The following ZNF385B variants were observed in gnomAD, a reference collection of about 807,000 sequenced individuals.
The protein encoded by ZNF385B is zinc finger protein 533.
ZNF385B carries 23 observed loss-of-function variants against 39.2 expected under a neutral mutation model. The observed-to-expected ratio is 0.59, with a 90% confidence interval of 0.42 to 0.83. The LOEUF (loss-of-function observed/expected upper bound fraction) is 0.83, where lower values mean the gene tolerates loss of function less well. Among genes scored for constraint, ZNF385B ranks in the 40% least tolerant of loss-of-function variants. The probability of loss-of-function intolerance (pLI) is 0.00; values close to 1 mark genes in which losing one functional copy is unlikely to be tolerated. For missense variants in ZNF385B, 552 were observed against 598.9 expected, an observed-to-expected ratio of 0.92 and a Z score of 0.82; for synonymous variants, 205 against 222.6, an observed-to-expected ratio of 0.92 and a Z score of 0.70.
chr2:179,720,406 AGGGGAG>A (rs1700607963), intron 3 of ZNF385B, among the ~76,000 whole-genome samples: 1 of 111,290 alleles, frequency 9.0e-6, no homozygotes, highest in East Asian at 3.3e-4. Context: ...GGGAGAGGGG[AGGGGAG>A]GAGGGGAGGG....
chr2:179,807,929 A>AGAAAGAAAGAAAGAAAGAAG lies in ZNF385B; in HGVS notation c.-154-37258_-154-37257insCTTCTTTCTTTCTTTCTTTC, dbSNP rs749760813. Among the ~76,000 whole-genome samples the AGAAAGAAAGAAAGAAAGAAG allele has an allele frequency of 8.6e-3, 996 of 116,336 alleles. 9 individuals are homozygous for AGAAAGAAAGAAAGAAAGAAG. The highest frequency in any genetic ancestry group is 0.019 in the East Asian group (58 of 3,078). The allele number at this position is 116,336 out of a possible 152,430, so 76.3% of individuals were successfully genotyped here. Reference sequence around the variant, plus strand: ...AAGAAAGAAAGAAAGAAAGAAAGAAAGAAGGAAGGAAGGAAGGAAGGAAAG... The same window carrying AGAAAGAAAGAAAGAAAGAAG: ...AAGAAAGAAAGAAAGAAAGAAAGAAAGAAAGAAAGAAAGAAAGAAGGAAGGAAGGAAGGAAGGAAGGAAAG... On this transcript the variant is annotated intron_variant, in intron 1 of 9. Coordinates refer to ENST00000410066, the MANE Select transcript of ZNF385B (RefSeq NM_152520.6).
intron 3 of ZNF385B, among the ~76,000 whole-genome samples, chr2:179,611,725 G>A (rs1236997612): frequency 6.6e-6 from 1 of 152,122 alleles, no homozygotes; most frequent in Non-Finnish European, 1.5e-5. Flanking sequence ...GTCTGTTCAG[G>A]TTTTGAATTT....
chr2:179,682,158 C>G (rs1222297984), intron 3 of ZNF385B, among the ~76,000 whole-genome samples: 1 of 152,184 alleles, frequency 6.6e-6, no homozygotes, highest in Non-Finnish European at 1.5e-5. Context: ...CTTGCTGACA[C>G]CTTTGTCCTG....
intron 1 of ZNF385B, among the ~76,000 whole-genome samples, chr2:179,774,742 G>A (rs186939147): frequency 3.9e-5 from 6 of 152,256 alleles, no homozygotes; most frequent in Non-Finnish European, 4.4e-5. Flanking sequence ...TGGTAATAAC[G>A]GTGTGCTCCC....
intron 3 of ZNF385B, among the ~76,000 whole-genome samples, chr2:179,600,670 C>T (rs1437337026): frequency 6.6e-6 from 1 of 152,170 alleles, no homozygotes; most frequent in African/African-American, 2.4e-5. Flanking sequence ...CCTACAGGGG[C>T]ATTGCCATTT....
intron 4 of ZNF385B, among the ~76,000 whole-genome samples, chr2:179,532,068 C>T (rs1007875988): frequency 6.6e-6 from 1 of 152,170 alleles, no homozygotes; most frequent in Non-Finnish European, 1.5e-5. Context: ...ATCGCTTTAT[C>T]GAATAAGGCT....
intron 4 of ZNF385B, among the ~76,000 whole-genome samples, chr2:179,541,583 C>T (rs985467052): frequency 1.9e-4 from 29 of 151,956 alleles, no homozygotes; most frequent in African/African-American, 2.9e-4. Context: ...TAATATTAAC[C>T]TTGGTTAAAA....
intron 6 of ZNF385B, among the ~76,000 whole-genome samples, chr2:179,455,580 C>G (rs1323068675): frequency 2.0e-5 from 3 of 152,064 alleles, no homozygotes; most frequent in African/African-American, 7.2e-5. Context: ...ATCAAATAAA[C>G]CTCTTTCGTT....
At chr2:179,652,942 G>A (rs750013487) in intron 3 of ZNF385B, among the ~76,000 whole-genome samples, 11 of 151,856 alleles carry the variant, frequency 7.2e-5, no homozygotes, top group Middle Eastern at 6.8e-3. Context: ...AAATTGAGAC[G>A]TAAACTGCTT....
Position 179,779,152 on chromosome 2 carries a change from AAC to A in ZNF385B, c.-154-8482_-154-8481del, listed in dbSNP as rs573980622. Among the ~76,000 whole-genome samples the A allele has an allele frequency of 3.4e-3, 521 of 152,342 alleles. 15 individuals are homozygous for A. Among genetic ancestry groups the A allele is most frequent in the Non-Finnish European group, 4.0e-3 (272 of 68,022 alleles). On this transcript the variant is annotated intron_variant, in intron 1 of 9. Transcript: ENST00000410066. The stretch of plus-strand genomic sequence containing the variant: ...TGCAGCTATAACCAGTATTCTAAAA[AAC>A]ACAGTGCTGTAACAGGGGTTGCCTT...
chr2:179,696,326 C>T (rs376814388), intron 3 of ZNF385B, among the ~76,000 whole-genome samples: 850 of 40,300 alleles, frequency 0.021, 1 homozygote, highest in Middle Eastern at 0.083. Flanking sequence ...CAAACTGGGA[C>T]TTTTTTTTTT....
chr2:179,571,155 G>C (rs1484530206), intron 3 of ZNF385B, among the ~76,000 whole-genome samples: 1 of 152,192 alleles, frequency 6.6e-6, no homozygotes, highest in Non-Finnish European at 1.5e-5. Context: ...AGTGTACACT[G>C]AAAGAATTCC....
At chr2:179,689,018 T>A (rs1386222233) in intron 3 of ZNF385B, among the ~76,000 whole-genome samples, 3 of 152,228 alleles carry the variant, frequency 2.0e-5, no homozygotes, top group Non-Finnish European at 4.4e-5. Context: ...TGAGCAGAAG[T>A]GTATGACATT....
intron 3 of ZNF385B, among the ~76,000 whole-genome samples, chr2:179,593,552 T>C (rs1418823857): frequency 6.6e-6 from 1 of 152,180 alleles, no homozygotes; most frequent in Admixed American, 6.5e-5. Flanking sequence ...GAACAATTAC[T>C]TAAATGCTTT....
At chr2:179,635,860 G>A (rs1028469647) in intron 3 of ZNF385B, among the ~76,000 whole-genome samples, 1 of 151,738 alleles carries the variant, frequency 6.6e-6, no homozygotes, top group Non-Finnish European at 1.5e-5. Flanking sequence ...TTGATAGTTG[G>A]AACACATAAG....
intron 6 of ZNF385B, among the ~76,000 whole-genome samples, chr2:179,472,950 A>G (rs1012106192): frequency 1.3e-5 from 2 of 152,170 alleles, no homozygotes; most frequent in African/African-American, 4.8e-5. Context: ...AAAACAAAGA[A>G]AAAGAGCTAA....
intron 1 of ZNF385B, among the ~76,000 whole-genome samples, chr2:179,827,750 T>C (rs1303375958): frequency 1.3e-5 from 2 of 152,156 alleles, no homozygotes; most frequent in African/African-American, 2.4e-5. Flanking sequence ...ATAACATACA[T>C]GCATACAAGC....
intron 5 of ZNF385B, among the ~76,000 whole-genome samples, chr2:179,503,731 G>GT (rs1396852315): frequency 5.3e-5 from 8 of 151,488 alleles, no homozygotes. Flanking sequence ...TGCGGTGTTT[G>GT]TTTTTTTGTC....
At chr2:179,628,019 G>A (rs2033890163) in intron 3 of ZNF385B, among the ~76,000 whole-genome samples, 1 of 151,952 alleles carries the variant, frequency 6.6e-6, no homozygotes, top group Admixed American at 6.6e-5. Context: ...TTATTTCATT[G>A]TACTTTTCAA....
Sources: gnomAD v4.1 joint callset for allele counts (sites outside exome capture counted in the v4.1 genomes callset) on GRCh38, gnomAD v4.1.1 for gene constraint, MANE v1.5 for transcripts, NCBI Gene and HGNC (gene_info 2026-07-23, HGNC 2026-07-21) for gene names.